STK32B: variants seen among roughly 807,000 people sequenced by gnomAD.
STK32B encodes serine/threonine kinase 32B.
Under a neutral mutation model 52.6 loss-of-function variants are expected in STK32B, and 43 were observed. The ratio of observed to expected loss-of-function variants is 0.82; its 90% CI spans 0.64 to 1.05. STK32B has a LOEUF of 1.05. Ranked by LOEUF, STK32B falls within the 50% of genes least tolerant of loss-of-function variation. The probability of loss-of-function intolerance (pLI) is 0.00; values close to 1 mark genes in which losing one functional copy is unlikely to be tolerated. For synonymous variants in STK32B, 238 were observed against 204.3 expected, an observed-to-expected ratio of 1.17 and a Z score of -1.41; for missense variants, 621 against 534.6, an observed-to-expected ratio of 1.16 and a Z score of -1.59.
At chr4:5,111,799 T>C (rs888228851) in intron 1 of STK32B, among the ~76,000 whole-genome samples, 6 of 151,564 alleles carry the variant, frequency 4.0e-5, no homozygotes, top group Non-Finnish European at 8.8e-5. Context: ...TTGATGATTC[T>C]ATCTCAGTTT....
At chr4:5,318,274 A>G (rs1213699160) in intron 3 of STK32B, among the ~76,000 whole-genome samples, 2 of 152,168 alleles carry the variant, frequency 1.3e-5, no homozygotes, top group Non-Finnish European at 2.9e-5. Flanking sequence ...AGGAAGTCAG[A>G]AAGAAGTGGG....
At chr4:5,468,436 G>C (rs1717605479) in intron 11 of STK32B, among the ~76,000 whole-genome samples, 1 of 152,200 alleles carries the variant, frequency 6.6e-6, no homozygotes, top group Admixed American at 6.5e-5. Context: ...CCACTGCAGA[G>C]TGACCTTGCC....
At chr4:5,102,200 T>A (rs1007427820) in intron 1 of STK32B, among the ~76,000 whole-genome samples, 1 of 152,184 alleles carries the variant, frequency 6.6e-6, no homozygotes, top group Admixed American at 6.5e-5. Flanking sequence ...ATTTGTAAAA[T>A]GCAGGTAGTT....
In STK32B at chr4:5,428,693, T is replaced by C. The variant is rs28867082; in HGVS notation, c.562+11759T>C. Among the ~76,000 whole-genome samples the C allele has an allele frequency of 7.4e-3, 1,124 of 152,340 alleles. 9 individuals carry two copies. The highest frequency in any genetic ancestry group is 0.02 in the South Asian group (96 of 4,824). On this transcript the variant is annotated intron_variant, in intron 6 of 11. Transcript: ENST00000282908. ...GATAACATTGCTCAGGTTTTGTATG[T>C]ATTTTTGTTGATTTTTTGTCTACTT...
intron 3 of STK32B, among the ~76,000 whole-genome samples, chr4:5,204,492 C>G (rs1466928986): frequency 6.5e-5 from 2 of 30,696 alleles, no homozygotes; most frequent in African/African-American, 2.0e-4. Flanking sequence ...TGTTTTGAGA[C>G]AGAGTCTCAC....
At chr4:5,121,014 T>C (rs2108810832) in intron 1 of STK32B, among the ~76,000 whole-genome samples, 1 of 152,232 alleles carries the variant, frequency 6.6e-6, no homozygotes, top group Non-Finnish European at 1.5e-5. Context: ...TCTGAGATTT[T>C]AGTGCACCCA....
rs1719063589 is a variant in STK32B, at chr4:5,168,457, G to T, written c.260+7G>T. The T allele has an allele frequency of 1.2e-6, 2 of 1,610,694 alleles. No individual in the cohort carries two copies. The highest frequency in any genetic ancestry group is 4.5e-5 in the East Asian group (2 of 44,758). The stretch of plus-strand genomic sequence containing the variant: ...CCTTCCTGGTCAATCTGTGGTGAGT[G>T]TGGCTCCATCCAGGGCTCCTGTGGG... On this transcript the variant is annotated splice_region_variant and intron_variant, in intron 3 of 11. Coordinates refer to ENST00000282908, the MANE Select transcript of STK32B (RefSeq NM_018401.3).
At chr4:5,302,198 T>A (rs1729605960) in intron 3 of STK32B, among the ~76,000 whole-genome samples, 1 of 135,206 alleles carries the variant, frequency 7.4e-6, no homozygotes, top group African/African-American at 3.6e-5. Flanking sequence ...ATTTCAAAAT[T>A]ACAAAAATTG....
At chr4:5,076,282 T>A (rs1320634301) in intron 1 of STK32B, among the ~76,000 whole-genome samples, 1 of 152,174 alleles carries the variant, frequency 6.6e-6, no homozygotes, top group African/African-American at 2.4e-5. Flanking sequence ...ACCATAATAA[T>A]AAATTAGTAT....
chr4:5,053,048 A>G (rs901115747), intron 1 of STK32B, among the ~76,000 whole-genome samples: 2 of 152,206 alleles, frequency 1.3e-5, no homozygotes, highest in Non-Finnish European at 2.9e-5. Flanking sequence ...CTGTGTGCGT[A>G]CATCATGGAT....
intron 1 of STK32B, among the ~76,000 whole-genome samples, chr4:5,085,396 T>A (rs1174352173): frequency 6.6e-6 from 1 of 152,220 alleles, no homozygotes; most frequent in Non-Finnish European, 1.5e-5. Flanking sequence ...TCTGATAAAT[T>A]GTGCAGTAAG....
chr4:5,332,872 C>T (rs1447301949), intron 4 of STK32B, among the ~76,000 whole-genome samples: 1 of 152,162 alleles, frequency 6.6e-6, no homozygotes, highest in African/African-American at 2.4e-5. Flanking sequence ...ATATGTGCCA[C>T]ATTTTCTTAA....
chr4:5,409,149 A>G (rs1737862028), intron 5 of STK32B, among the ~76,000 whole-genome samples: 1 of 152,076 alleles, frequency 6.6e-6, no homozygotes. Context: ...GGCTTTCATG[A>G]AGTCTCACCT....
At chr4:5,060,108 AGG>A (rs1472480768) in intron 1 of STK32B, among the ~76,000 whole-genome samples, 6 of 152,180 alleles carry the variant, frequency 3.9e-5, no homozygotes, top group African/African-American at 1.4e-4. Context: ...CTGGGATTAC[AGG>A]CATGTGCCCC....
intron 11 of STK32B, among the ~76,000 whole-genome samples, chr4:5,468,634 C>G (rs1717619537): frequency 6.6e-6 from 1 of 152,142 alleles, no homozygotes; most frequent in Non-Finnish European, 1.5e-5. Flanking sequence ...GGAACCTCAG[C>G]AGCCTGGGAT....
At chr4:5,451,326 G>A (rs1043459630) in intron 7 of STK32B, among the ~76,000 whole-genome samples, 1 of 152,156 alleles carries the variant, frequency 6.6e-6, no homozygotes, top group East Asian at 1.9e-4. Flanking sequence ...GGAAGCTAGG[G>A]CTGATTCAAC....
intron 3 of STK32B, among the ~76,000 whole-genome samples, chr4:5,321,777 G>A (rs770281381): frequency 1.5e-4 from 23 of 152,254 alleles, no homozygotes; most frequent in Admixed American, 3.3e-4. Context: ...CCTGAAGCCT[G>A]CCTTCACCTC....
At chr4:5,329,962 G>A (rs1209102715) in intron 3 of STK32B, among the ~76,000 whole-genome samples, 1 of 152,138 alleles carries the variant, frequency 6.6e-6, no homozygotes, top group Admixed American at 6.5e-5. Flanking sequence ...CATGCACCAG[G>A]CTCCCTCCCC....
At chr4:5,233,949 C>T (rs1490020926) in intron 3 of STK32B, among the ~76,000 whole-genome samples, 2 of 152,008 alleles carry the variant, frequency 1.3e-5, no homozygotes, top group Admixed American at 6.6e-5. Flanking sequence ...GTGCCCCCTT[C>T]TCTGGACCTG....
Sources: allele counts gnomAD v4.1 joint callset (sites outside exome capture counted in the v4.1 genomes callset), GRCh38; gene constraint gnomAD v4.1.1; transcripts MANE v1.5; gene names NCBI Gene and HGNC (gene_info 2026-07-23, HGNC 2026-07-21).